Variants in PDE4D observed in about 807,000 individuals in gnomAD.
PDE4D encodes phosphodiesterase 4D.
Under a neutral mutation model 87.4 loss-of-function variants are expected in PDE4D, and 24 were observed. The observed-to-expected ratio is 0.27, with a 90% CI of 0.20 to 0.39. The LOEUF (loss-of-function observed/expected upper bound fraction) is 0.39, where lower values mean the gene tolerates loss of function less well. Among genes scored for constraint, PDE4D ranks in the 10% least tolerant of loss-of-function variants. The pLI is 1.00. For missense variants in PDE4D, 714 were observed against 1,041.0 expected, an observed-to-expected ratio of 0.69 and a Z score of 4.32; for synonymous variants, 384 against 383.2, an observed-to-expected ratio of 1.00 and a Z score of -0.02.
intron 1 of PDE4D, among the ~76,000 whole-genome samples, chr5:60,507,965 G>A (rs933331916): frequency 1.3e-5 from 2 of 152,194 alleles, no homozygotes; most frequent in Non-Finnish European, 2.9e-5. Flanking sequence ...CCAATAACTA[G>A]TTCGAGCGCA....
intron 1 of PDE4D, among the ~76,000 whole-genome samples, chr5:59,753,706 T>G (rs1177381056): frequency 1.3e-5 from 2 of 152,188 alleles, no homozygotes; most frequent in Non-Finnish European, 2.9e-5. Flanking sequence ...AGATCTCATA[T>G]GAATAAAGTT....
chr5:60,349,559 A>C (rs1490830203), intron 1 of PDE4D, among the ~76,000 whole-genome samples: 3 of 152,224 alleles, frequency 2.0e-5, no homozygotes, highest in African/African-American at 7.2e-5. Context: ...TTTCAAGCCA[A>C]AGTCCATGAA....
chr5:60,332,331 C>T (rs75177416), intron 1 of PDE4D, among the ~76,000 whole-genome samples: 1 of 152,086 alleles, frequency 6.6e-6, no homozygotes, highest in Non-Finnish European at 1.5e-5. Context: ...CCCTTGCCCC[C>T]CTCCCTCTCT....
At chr5:60,263,830 C>T (rs1356362193) in intron 1 of PDE4D, among the ~76,000 whole-genome samples, 2 of 152,064 alleles carry the variant, frequency 1.3e-5, no homozygotes, top group Non-Finnish European at 2.9e-5. Flanking sequence ...AAGAAAATTC[C>T]TCAAAGTCCT....
At chr5:59,182,342 A>C (rs2001663) in intron 4 of PDE4D, among the ~76,000 whole-genome samples, 2 of 151,630 alleles carry the variant, frequency 1.3e-5, no homozygotes, top group Non-Finnish European at 2.9e-5. Flanking sequence ...ACTACAGCCT[A>C]GAACTCCTGA....
At chr5:59,646,245 T>A (rs904274998) in intron 1 of PDE4D, among the ~76,000 whole-genome samples, 3 of 152,306 alleles carry the variant, frequency 2.0e-5, no homozygotes, top group African/African-American at 7.2e-5. Context: ...GTATAAGACA[T>A]CAGTTGGTAT....
At position 59,535,749 on chromosome 5, in the gene PDE4D, G is replaced by C. The variant is rs199942693; in HGVS notation, c.456-319781C>G. ...AAATACATCCTTTTTATTGACATAA[G>C]ATGGGTAAATATAGTTTTTAAAAGG... is the stretch of plus-strand genomic sequence containing the variant. On this transcript the variant is annotated intron_variant, in intron 1 of 14. Transcript: ENST00000340635. Among the ~76,000 whole-genome samples, 28 of 152,282 alleles carry C rather than the reference G, an allele frequency of 1.8e-4. No homozygotes were observed. The South Asian group carries it at 5.6e-3, about 30-fold the overall frequency.
intron 1 of PDE4D, among the ~76,000 whole-genome samples, chr5:59,579,623 A>C (rs1472182587): frequency 6.6e-6 from 1 of 152,220 alleles, no homozygotes; most frequent in African/African-American, 2.4e-5. Context: ...GCCCGTATCA[A>C]AGCAGGGCCA....
chr5:60,098,647 A>C (rs2548658), intron 2 of PDE4D, among the ~76,000 whole-genome samples: 1 of 151,816 alleles, frequency 6.6e-6, no homozygotes, highest in South Asian at 2.1e-4. Context: ...ACGTTGCTGA[A>C]TTTATTAATT....
At chr5:59,191,454 T>A (rs1744282435) in intron 3 of PDE4D, among the ~76,000 whole-genome samples, 1 of 152,182 alleles carries the variant, frequency 6.6e-6, no homozygotes, top group Admixed American at 6.5e-5. Flanking sequence ...GCTACTTGAA[T>A]GAACTCAAAT....
At chr5:60,374,528 C>T (rs1443275776) in intron 1 of PDE4D, among the ~76,000 whole-genome samples, 2 of 152,136 alleles carry the variant, frequency 1.3e-5, no homozygotes, top group Non-Finnish European at 2.9e-5. Context: ...ACTGAAGTCG[C>T]CCATGAATAT....
At chr5:60,464,951 GT>G (rs1335194752) in intron 1 of PDE4D, among the ~76,000 whole-genome samples, 1 of 151,460 alleles carries the variant, frequency 6.6e-6, no homozygotes, top group African/African-American at 2.4e-5. Context: ...ACTTTTTTTT[GT>G]TTTTTCATTA....
At chr5:59,845,813 T>C (rs1743755172) in intron 1 of PDE4D, among the ~76,000 whole-genome samples, 1 of 152,060 alleles carries the variant, frequency 6.6e-6, no homozygotes, top group African/African-American at 2.4e-5. Flanking sequence ...TAAAACTGCC[T>C]ATTTATGGTA....
At chr5:60,112,284 C>G (rs576804015) in intron 2 of PDE4D, among the ~76,000 whole-genome samples, 1 of 152,162 alleles carries the variant, frequency 6.6e-6, no homozygotes, top group East Asian at 1.9e-4. Context: ...ACCAACAAAA[C>G]TAAATGCTTA....
At position 58,972,577 on chromosome 5, in the gene PDE4D, G is replaced by GTAA; in HGVS notation, c.*2084_*2086dup. 1 of 152,234 alleles carries GTAA rather than the reference G, an allele frequency of 6.6e-6. No homozygotes were observed. The highest frequency in any genetic ancestry group is 2.1e-4 in the South Asian group (1 of 4,824). The allele number at this position is 152,234 out of a possible 1,614,324, so 9.4% of individuals were successfully genotyped here. On this transcript the variant is annotated 3_prime_UTR_variant, in exon 15 of 15. Transcript: ENST00000340635. The stretch of plus-strand genomic sequence containing the variant: ...CCACATATAAATGCTTTTCAGAGTT[G>GTAA]TAATTCTTCTTAAACGTTTGATTTT...
At chr5:59,646,120 T>C (rs1742393762) in intron 1 of PDE4D, among the ~76,000 whole-genome samples, 2 of 152,244 alleles carry the variant, frequency 1.3e-5, no homozygotes, top group South Asian at 4.1e-4. Flanking sequence ...GTCAGCTTTA[T>C]TAATTTTATA....
intron 1 of PDE4D, among the ~76,000 whole-genome samples, chr5:60,391,352 T>C (rs1473019217): frequency 6.6e-6 from 1 of 152,140 alleles, no homozygotes; most frequent in Non-Finnish European, 1.5e-5. Context: ...ACTGCTACTT[T>C]AACAAATTAC....
chr5:59,984,039 TC>T (rs373695951), intron 3 of PDE4D, among the ~76,000 whole-genome samples: 37,327 of 151,730 alleles, frequency 0.25, 5,284 homozygotes, highest in Admixed American at 0.34. Context: ...AACATGGATA[TC>T]AAAAAAAAAT....
intron 1 of PDE4D, among the ~76,000 whole-genome samples, chr5:59,464,427 T>C (rs1407902302): frequency 1.3e-5 from 2 of 152,234 alleles, no homozygotes; most frequent in Admixed American, 6.5e-5. Flanking sequence ...GAGATGTTTA[T>C]GTGTATGCAT....
Sources: allele counts gnomAD v4.1 joint callset (sites outside exome capture counted in the v4.1 genomes callset), GRCh38; gene constraint gnomAD v4.1.1; transcripts MANE v1.5; gene names NCBI Gene and HGNC (gene_info 2026-07-23, HGNC 2026-07-21).